The following PTPRG variants were observed in gnomAD, a reference collection of about 807,000 sequenced individuals.
PTPRG encodes protein tyrosine phosphatase receptor type G, also known as receptor-type tyrosine-protein phosphatase gamma.
Under a neutral mutation model 165.3 loss-of-function variants are expected in PTPRG, and 102 were observed. The ratio of observed to expected loss-of-function variants is 0.62; its 90% CI spans 0.53 to 0.73. The LOEUF is 0.73. PTPRG is among the 30% of genes least tolerant of loss of function. The pLI is 0.00. For synonymous variants in PTPRG, 675 were observed against 669.5 expected, an observed-to-expected ratio of 1.01 and a Z score of -0.13; for missense variants, 1,866 against 1,861.4, an observed-to-expected ratio of 1.00 and a Z score of -0.05.
At chr3:62,275,757 G>C (rs1702210149) in intron 23 of PTPRG, 116 bp from the exon 24 acceptor site, 1 of 722,506 alleles carries the variant, frequency 1.4e-6, no homozygotes, top group African/African-American at 1.8e-5. Context: ...AAGGTTCTTT[G>C]TGGCACAGAA....
At chr3:62,266,192 T>C (rs1393776479) in intron 17 of PTPRG, among the ~76,000 whole-genome samples, 3 of 152,132 alleles carry the variant, frequency 2.0e-5, no homozygotes, top group Non-Finnish European at 4.4e-5. Flanking sequence ...GTTTTGGTGT[T>C]CTCTTGGCCA....
chr3:61,892,306 AGCCTC>A (rs2038236895), intron 2 of PTPRG, among the ~76,000 whole-genome samples: 1 of 152,154 alleles, frequency 6.6e-6, no homozygotes, highest in Non-Finnish European at 1.5e-5. Flanking sequence ...GGCCTACTGT[AGCCTC>A]AGCATCCTGG....
chr3:61,753,678 C>T (rs767930406), intron 2 of PTPRG: 1 of 423,060 alleles, frequency 2.4e-6, no homozygotes, highest in South Asian at 1.7e-5. Context: ...CCCCAACCCC[C>T]TGCTTCCTGA....
At chr3:61,633,614 A>G (rs34077017) in intron 1 of PTPRG, among the ~76,000 whole-genome samples, 2,122 of 152,298 alleles carry the variant, frequency 0.014, 28 homozygotes, top group South Asian at 0.039. Flanking sequence ...TCTGTATACA[A>G]GATTATGTCA....
intron 4 of PTPRG, among the ~76,000 whole-genome samples, chr3:62,021,104 G>T (rs2041679172): frequency 1.3e-5 from 2 of 150,652 alleles, no homozygotes; most frequent in Non-Finnish European, 2.9e-5. Flanking sequence ...TCAGTAAAAT[G>T]ACTTTTAATA....
chr3:61,776,396 A>G (rs1201351149), intron 2 of PTPRG, among the ~76,000 whole-genome samples: 1 of 152,162 alleles, frequency 6.6e-6, no homozygotes, highest in Non-Finnish European at 1.5e-5. Context: ...GATTAAAATC[A>G]ACACAGGCGC....
Position 62,273,929 on chromosome 3 carries a change from T to C in PTPRG, c.3465+85T>C, listed in dbSNP as rs532208196. On this transcript the variant is annotated intron_variant, in intron 23 of 29. Transcript: ENST00000474889. The surrounding 1 kb of genome is among the most constrained non-coding windows in gnomAD (Gnocchi z 4.1). ...TTTGGGGGTTATGTCTTCTTTGCAT[T>C]AATGTATACACCGAAATGGATTACT... The C allele has an allele frequency of 7.6e-7, 1 of 1,314,096 alleles. No individual in the cohort carries two copies. Among genetic ancestry groups the C allele is most frequent in the Admixed American group, 1.9e-5 (1 of 53,474 alleles). 81.4% of individuals were successfully genotyped at this position (1,314,096 alleles called of 1,614,324 possible). A position where few individuals can be genotyped will look rare whatever the true frequency, so the allele number is the denominator to read the frequency against.
At chr3:62,100,158 C>T (rs548017372) in intron 5 of PTPRG, among the ~76,000 whole-genome samples, 3 of 151,988 alleles carry the variant, frequency 2.0e-5, no homozygotes, top group Admixed American at 6.6e-5. Context: ...AATTTGAACC[C>T]CCGAACTCAG....
intron 2 of PTPRG, among the ~76,000 whole-genome samples, chr3:61,827,965 G>A (rs1044974933): frequency 6.6e-6 from 1 of 152,056 alleles, no homozygotes; most frequent in Non-Finnish European, 1.5e-5. Flanking sequence ...GGAAAGTTTA[G>A]GTAATTTCTT....
intron 13 of PTPRG, among the ~76,000 whole-genome samples, chr3:62,223,741 G>T (rs1357231602): frequency 6.6e-6 from 1 of 152,174 alleles, no homozygotes; most frequent in South Asian, 2.1e-4. Context: ...AATGGAAAAT[G>T]TAACTCTGGG....
At position 62,254,477 on chromosome 3, in the gene PTPRG, G is replaced by A. The variant is rs964170087; in HGVS notation, c.2468-647G>A. 2.6e-5 allele frequency among the ~76,000 whole-genome samples: 4 copies of A among 152,012 alleles called. No individual in the cohort carries two copies. Among genetic ancestry groups the A allele is most frequent in the African/African-American group, 7.2e-5 (3 of 41,380 alleles). ...ATAAATGGGAATGTGGAGTCTTCCC[G>A]AATCTATACCTAGTCTGTCAACACC... On this transcript the variant is annotated intron_variant, in intron 15 of 29. Transcript: ENST00000474889. This position sits in a 1 kb window ranked among gnomAD's most constrained non-coding sequence, Gnocchi z 4.6.
intron 4 of PTPRG, 120 bp downstream of exon 4, chr3:62,003,617 C>T: frequency 5.5e-6 from 7 of 1,273,204 alleles, no homozygotes; most frequent in Non-Finnish European, 6.4e-6. Context: ...AACTTCCTCT[C>T]TCTGGAAACC....
At chr3:62,109,872 C>T (rs9866809) in intron 5 of PTPRG, among the ~76,000 whole-genome samples, 10 of 152,006 alleles carry the variant, frequency 6.6e-5, no homozygotes, top group African/African-American at 1.5e-4. Flanking sequence ...TGTGCTGGTC[C>T]GCTCTCACTC....
intron 2 of PTPRG, among the ~76,000 whole-genome samples, chr3:61,966,321 A>T (rs1296505123): frequency 6.6e-6 from 1 of 152,192 alleles, no homozygotes; most frequent in African/African-American, 2.4e-5. Flanking sequence ...AGCAATGTGG[A>T]GATGAGACAT....
chr3:61,951,813 C>T (rs80331861), intron 2 of PTPRG, among the ~76,000 whole-genome samples: 2,736 of 152,168 alleles, frequency 0.018, 47 homozygotes, highest in Middle Eastern at 0.037. Context: ...GTAACGCAAA[C>T]CCAAATTTTA....
intron 21 of PTPRG, among the ~76,000 whole-genome samples, chr3:62,272,147 G>A (rs1395138955): frequency 6.6e-6 from 1 of 151,696 alleles, no homozygotes; most frequent in Admixed American, 6.6e-5. Context: ...TAGGAAAATT[G>A]TAGCCTGATC....
At chr3:61,973,015 G>A (rs1450166444) in intron 2 of PTPRG, among the ~76,000 whole-genome samples, 1 of 151,998 alleles carries the variant, frequency 6.6e-6, no homozygotes, top group African/African-American at 2.4e-5. Flanking sequence ...GAGGGAGTTA[G>A]GGAGAAAAAT....
intron 2 of PTPRG, among the ~76,000 whole-genome samples, chr3:61,839,572 G>T (rs1217598394): frequency 6.6e-6 from 1 of 152,112 alleles, no homozygotes; most frequent in African/African-American, 2.4e-5. Flanking sequence ...GAACTGAAAA[G>T]ATAGGAATTT....
At chr3:61,949,953 G>A (rs2039859798) in intron 2 of PTPRG, among the ~76,000 whole-genome samples, 2 of 152,024 alleles carry the variant, frequency 1.3e-5, no homozygotes. Context: ...TCACCATGTT[G>A]GCCAAGATGG....
Sources: gnomAD v4.1 joint callset for allele counts (sites outside exome capture counted in the v4.1 genomes callset) on GRCh38, gnomAD v4.1.1 for gene constraint, Gnocchi (gnomAD v3.1) non-coding constraint, MANE v1.5 for transcripts, NCBI Gene and HGNC (gene_info 2026-07-23, HGNC 2026-07-21) for gene names.